Variants in FBF1 observed in about 807,000 individuals in gnomAD.
The protein encoded by FBF1 is Fas binding factor 1, also known as fas-binding factor 1.
A neutral mutation model predicts 147.2 loss-of-function variants in FBF1; 119 were observed. That is an observed-to-expected ratio of 0.81 (90% CI 0.70 to 0.94). FBF1 has a LOEUF of 0.94. Ranked by LOEUF, FBF1 falls within the 40% of genes least tolerant of loss-of-function variation. The pLI is 0.00. For synonymous variants in FBF1, 601 were observed against 609.0 expected, an observed-to-expected ratio of 0.99 and a Z score of 0.19; for missense variants, 1,449 against 1,500.8, an observed-to-expected ratio of 0.97 and a Z score of 0.57.
rs577368831 is a variant in FBF1, at chr17:75,923,993, G to A, written c.969-352C>T. 1.3e-5 allele frequency among the ~76,000 whole-genome samples: 2 copies of A among 152,166 alleles called. No individual in the cohort carries two copies. The highest frequency in any genetic ancestry group is 4.8e-5 in the African/African-American group (2 of 41,502). ...TTTGGGAGGCCAGGGTGGGCAGATC[G>A]CTTAAGGCCAGGAGTTCAAGACCAG... is the stretch of plus-strand genomic sequence containing the variant. On this transcript the variant is annotated intron_variant, in intron 13 of 29. Transcript: ENST00000636174. The surrounding 1 kb of genome is among the most constrained non-coding windows in gnomAD (Gnocchi z 4.1).
chr17:75,922,817 G>A lies in FBF1; in HGVS notation c.1424+369C>T, dbSNP rs1343411789. On this transcript the variant is annotated intron_variant, in intron 14 of 29. Transcript: ENST00000636174. This position sits in a 1 kb window ranked among gnomAD's most constrained non-coding sequence, Gnocchi z 5.0. ...ACTCGCTTCAGTGGAGTCGGCAGAA[G>A]CACCGGCTGTTTGGATGCCGGGGCT... Among the ~76,000 whole-genome samples, 1 of 152,250 alleles carries A rather than the reference G, an allele frequency of 6.6e-6. No individual in the cohort carries two copies. Among genetic ancestry groups the A allele is most frequent in the Non-Finnish European group, 1.5e-5 (1 of 68,048 alleles).
At position 75,923,689 on chromosome 17, in the gene FBF1, A is replaced by G. The variant is rs773020613; in HGVS notation, c.969-48T>C. ...TCAGGCAGGGGAAACAGCCAGTCCC[A>G]GTGGCCCCCTAGCAGCCTGCAGCTG... On this transcript the variant is annotated intron_variant, in intron 13 of 29. Transcript: ENST00000636174. This position sits in a 1 kb window ranked among gnomAD's most constrained non-coding sequence, Gnocchi z 4.1. 1 of 1,502,974 alleles carries G rather than the reference A, an allele frequency of 6.7e-7. No individual in the cohort carries two copies. The highest frequency in any genetic ancestry group is 2.4e-5 in the East Asian group (1 of 41,564). The allele number at this position is 1,502,974 out of a possible 1,614,324, so 93.1% of individuals were successfully genotyped here. A position where few individuals can be genotyped will look rare whatever the true frequency, so the allele number is the denominator to read the frequency against.
chr17:75,927,991 C>T (rs2065572434), intron 8 of FBF1, 85 bp downstream of exon 8: 4 of 1,118,634 alleles, frequency 3.6e-6, no homozygotes, highest in Non-Finnish European at 5.3e-6. Flanking sequence ...ACGCTTCCTA[C>T]TAGCATCTTC....
At chr17:75,912,137 C>T in intron 29 of FBF1, 55 bp downstream of exon 29, 1 of 1,522,004 alleles carries the variant, frequency 6.6e-7, no homozygotes, top group East Asian at 2.4e-5. Context: ...CTGCCTCTGC[C>T]CTGAGCTGGA....
chr17:75,910,889 C>T lies in FBF1; in HGVS notation c.3364-83G>A. The T allele has an allele frequency of 7.6e-6, 9 of 1,184,246 alleles. No homozygotes were observed. Among genetic ancestry groups the T allele is most frequent in the Non-Finnish European group, 1.1e-5 (9 of 818,324 alleles). The allele number at this position is 1,184,246 out of a possible 1,614,324, so 73.4% of individuals were successfully genotyped here. On this transcript the variant is annotated intron_variant, in intron 29 of 29. Coordinates refer to ENST00000636174, the MANE Select transcript of FBF1 (RefSeq NM_001319193.2). The surrounding 1 kb of genome is among the most constrained non-coding windows in gnomAD (Gnocchi z 4.1). ...CCTGGATGCTAGCTGAGCCAGCCGT[C>T]ACTGAGGCCCCTCCCCACATCGTCC... is the stretch of plus-strand genomic sequence containing the variant.
chr17:75,914,638 G>C (rs2144153288), intron 25 of FBF1, 109 bp downstream of exon 25: 2 of 1,167,924 alleles, frequency 1.7e-6, no homozygotes, highest in East Asian at 5.2e-5. Flanking sequence ...CTATGCTCTT[G>C]TGACATTAGT....
chr17:75,917,703 G>C, intron 23 of FBF1, 29 bp downstream of exon 23: 1 of 1,532,426 alleles, frequency 6.5e-7, no homozygotes, highest in Non-Finnish European at 8.8e-7. Context: ...TGGCAGGAGG[G>C]GCAGGAGGGC....
At chr17:75,937,110 C>T (rs994431043) in intron 3 of FBF1, among the ~76,000 whole-genome samples, 1 of 151,984 alleles carries the variant, frequency 6.6e-6, no homozygotes, top group Non-Finnish European at 1.5e-5. Context: ...ACCAGTGAGG[C>T]AACATAAGGA....
Position 75,923,049 on chromosome 17 carries a change from A to T in FBF1, c.1424+137T>A. ...TAAAAGGCAGAGTAGCAAAGCCAAG[A>T]AGCGGCCTCTGTGGCCACGGCGCCC... On this transcript the variant is annotated intron_variant, in intron 14 of 29. Transcript: ENST00000636174. The surrounding 1 kb of genome is among the most constrained non-coding windows in gnomAD (Gnocchi z 4.1). The T allele has an allele frequency of 1.2e-6, 1 of 837,070 alleles. No individual in the cohort carries two copies. Among genetic ancestry groups the T allele is most frequent in the South Asian group, 1.8e-5 (1 of 54,670 alleles). 51.9% of individuals were successfully genotyped at this position (837,070 alleles called of 1,614,324 possible).
intron 29 of FBF1, among the ~76,000 whole-genome samples, chr17:75,911,273 TA>T (rs899473484): frequency 3.9e-5 from 6 of 152,144 alleles, no homozygotes; most frequent in Non-Finnish European, 1.5e-5. Flanking sequence ...AATAAATAAG[TA>T]AAATATAAAC....
At chr17:75,936,808 C>T (rs1162989033) in intron 3 of FBF1, among the ~76,000 whole-genome samples, 1 of 152,186 alleles carries the variant, frequency 6.6e-6, no homozygotes, top group Non-Finnish European at 1.5e-5. Flanking sequence ...CAGCCCAGTG[C>T]AGCTCGCTGG....
At chr17:75,921,618 G>A (rs143202872) in intron 15 of FBF1, 58 bp from the exon 16 acceptor site, 2 of 1,350,024 alleles carry the variant, frequency 1.5e-6, no homozygotes, top group South Asian at 1.2e-5. Context: ...CGGGGACGGG[G>A]CAGGGTGGGC....
At position 75,910,281 on chromosome 17, in the gene FBF1, G is replaced by A; in HGVS notation, c.*442C>T. 4 of 342,160 alleles carry A rather than the reference G, an allele frequency of 1.2e-5. No individual in the cohort carries two copies. Among genetic ancestry groups the A allele is most frequent in the Non-Finnish European group, 2.3e-5 (4 of 175,104 alleles). 21.2% of individuals were successfully genotyped at this position (342,160 alleles called of 1,614,324 possible). On this transcript the variant is annotated 3_prime_UTR_variant, in exon 30 of 30. Transcript: ENST00000636174. The surrounding 1 kb of genome is among the most constrained non-coding windows in gnomAD (Gnocchi z 4.1). ...TCTCCAGCTCATCAGGGAGGGAACTGCTCTGGCAGGGAGTAGGGAAGGCTG... is the reference window on the plus strand; with the variant it reads ...TCTCCAGCTCATCAGGGAGGGAACTACTCTGGCAGGGAGTAGGGAAGGCTG...
rs918157057 is a variant in FBF1, at chr17:75,925,974, A to T, written c.868+56T>A. On this transcript the variant is annotated intron_variant, in intron 12 of 29. Transcript: ENST00000636174. The surrounding 1 kb of genome is among the most constrained non-coding windows in gnomAD (Gnocchi z 5.0). ...ATTTCTCATTATAGGTTGTGATGAA[A>T]GCCTGATCTAGAGGCCTCCCTCCCG... 33 of 1,533,990 alleles carry T rather than the reference A, an allele frequency of 2.2e-5. No homozygotes were observed. Among genetic ancestry groups the T allele is most frequent in the Non-Finnish European group, 2.9e-5 (33 of 1,140,554 alleles).
chr17:75,914,577 G>T, intron 25 of FBF1, 170 bp downstream of exon 25: 2 of 829,500 alleles, frequency 2.4e-6, no homozygotes, highest in Non-Finnish European at 3.6e-6. Flanking sequence ...AATGCACCTG[G>T]GACAATACGA....
chr17:75,912,766 C>T (rs978541475), intron 28 of FBF1, among the ~76,000 whole-genome samples: 1 of 152,204 alleles, frequency 6.6e-6, no homozygotes, highest in Non-Finnish European at 1.5e-5. Flanking sequence ...CCAGGCTGGG[C>T]GCGTTGGCTC....
Position 75,938,154 on chromosome 17 carries a change from C to T in FBF1, c.-5G>A, listed in dbSNP as rs79303947. On this transcript the variant is annotated 5_prime_UTR_variant, in exon 2 of 30. It adds an upstream start codon to the 5' untranslated region. Coordinates refer to ENST00000636174, the MANE Select transcript of FBF1 (RefSeq NM_001319193.2). ...ACTCTGAACTCTGCCTACCATCTCACGGCTCTCGGGGGTGCTCTCAGCTCC... is the reference window on the plus strand; with the variant it reads ...ACTCTGAACTCTGCCTACCATCTCATGGCTCTCGGGGGTGCTCTCAGCTCC... The T allele has an allele frequency of 0.044, 71,103 of 1,613,432 alleles. 1,904 individuals carry two copies. Among genetic ancestry groups the T allele is most frequent in the Middle Eastern group, 0.16 (948 of 6,062 alleles).
Position 75,925,942 on chromosome 17 carries a change from G to C in FBF1, c.868+88C>G. On this transcript the variant is annotated intron_variant, in intron 12 of 29. Coordinates refer to ENST00000636174, the MANE Select transcript of FBF1 (RefSeq NM_001319193.2). The surrounding 1 kb of genome is among the most constrained non-coding windows in gnomAD (Gnocchi z 5.0). ...TAATCACATGTGTGTATCAGGATGTGAGGCTGATTTCTCATTATAGGTTGT... is the reference window on the plus strand; with the variant it reads ...TAATCACATGTGTGTATCAGGATGTCAGGCTGATTTCTCATTATAGGTTGT... 4 of 1,466,526 alleles carry C rather than the reference G, an allele frequency of 2.7e-6. No individual in the cohort carries two copies. Among genetic ancestry groups the C allele is most frequent in the Non-Finnish European group, 2.7e-6 (3 of 1,103,238 alleles). 90.8% of individuals were successfully genotyped at this position (1,466,526 alleles called of 1,614,324 possible). A position where few individuals can be genotyped will look rare whatever the true frequency, so the allele number is the denominator to read the frequency against.
chr17:75,920,383 T>G lies in FBF1; in HGVS notation c.1721A>C (p.Glu574Ala). 2 of 1,606,530 alleles carry G rather than the reference T, an allele frequency of 1.2e-6. No individual in the cohort carries two copies. The highest frequency in any genetic ancestry group is 1.7e-6 in the Non-Finnish European group (2 of 1,177,032). Residue 574 changes from glutamate to alanine, a missense_variant, in exon 18 of 30, where the codon GAA becomes GCA. By Grantham distance (107) the Glu-to-Ala change is moderately radical. Coordinates refer to ENST00000636174, the MANE Select transcript of FBF1 (RefSeq NM_001319193.2). ...SLARSLLPST[E>A]YQKQLLAAQV... Reference sequence around the variant, plus strand: ...TGCTGCCAGGAGCTGCTTCTGGTATTCTGTGCTCGGCAGCAGGCTCCGGGC... The same window carrying G: ...TGCTGCCAGGAGCTGCTTCTGGTATGCTGTGCTCGGCAGCAGGCTCCGGGC...
Sources: gnomAD v4.1 joint callset for allele counts (sites outside exome capture counted in the v4.1 genomes callset) on GRCh38, gnomAD v4.1.1 for gene constraint, Gnocchi (gnomAD v3.1) non-coding constraint, MANE v1.5 for transcripts, NCBI Gene and HGNC (gene_info 2026-07-23, HGNC 2026-07-21) for gene names.